Variants in PCDHGC3 observed in about 807,000 individuals in gnomAD.
PCDHGC3 encodes the protein protocadherin gamma-C3.
A neutral mutation model predicts 59.2 loss-of-function variants in PCDHGC3; 26 were observed. The observed-to-expected ratio is 0.44, with a 90% CI of 0.32 to 0.61. The LOEUF is 0.61. PCDHGC3 is among the 20% of genes least tolerant of loss of function. PCDHGC3 has a pLI of 0.05. For missense variants in PCDHGC3, 1,080 were observed against 1,221.8 expected, an observed-to-expected ratio of 0.88 and a Z score of 1.73; for synonymous variants, 487 against 519.7, an observed-to-expected ratio of 0.94 and a Z score of 0.86.
rs1229317913 is a variant in PCDHGC3 at position 141,489,752 on chromosome 5, C to T, written c.2431-5055C>T. ...GGCACCAATACTGTGAGCTTTTACACTCTAAGCCCCAACAGCCACTTCTCT... is the reference window on the plus strand; with the variant it reads ...GGCACCAATACTGTGAGCTTTTACATTCTAAGCCCCAACAGCCACTTCTCT... On this transcript the variant is annotated intron_variant, in intron 1 of 3. Transcript: ENST00000308177. The surrounding 1 kb of genome is among the most constrained non-coding windows in gnomAD (Gnocchi z 4.5). 1.2e-6 allele frequency: 2 copies of T among 1,614,018 alleles called. No individual in the cohort carries two copies. Among genetic ancestry groups the T allele is most frequent in the Non-Finnish European group, 1.7e-6 (2 of 1,179,980 alleles).
intron 1 of PCDHGC3, among the ~76,000 whole-genome samples, chr5:141,482,843 G>A (rs1005014887): frequency 7.1e-6 from 1 of 140,154 alleles, no homozygotes; most frequent in Non-Finnish European, 1.5e-5. Flanking sequence ...AGGCCAAGGT[G>A]GGCAGATCAC....
Position 141,489,213 on chromosome 5 carries a change from T to G in PCDHGC3, c.2431-5594T>G, listed in dbSNP as rs372898969. 11 of 1,473,392 alleles carry G rather than the reference T, an allele frequency of 7.5e-6. No homozygotes were observed. The highest frequency in any genetic ancestry group is 6.4e-6 in the Non-Finnish European group (7 of 1,091,332). 91.3% of individuals were successfully genotyped at this position (1,473,392 alleles called of 1,614,324 possible). On this transcript the variant is annotated intron_variant, in intron 1 of 3. Coordinates refer to ENST00000308177, the MANE Select transcript of PCDHGC3 (RefSeq NM_002588.4). This position sits in a 1 kb window ranked among gnomAD's most constrained non-coding sequence, Gnocchi z 4.5. Reference sequence around the variant, plus strand: ...ACCTTGGAGACAGGACAGCACAGACTTACTCTCCACAAAGGGACTTCTGGG... The same window carrying G: ...ACCTTGGAGACAGGACAGCACAGACGTACTCTCCACAAAGGGACTTCTGGG...
rs1040753474 is a variant in PCDHGC3 at position 141,511,446 on chromosome 5, G to T, written c.*273G>T. 3.1e-6 allele frequency: 2 copies of T among 654,526 alleles called. No individual in the cohort carries two copies. The highest frequency in any genetic ancestry group is 3.7e-5 in the African/African-American group (2 of 54,758). 40.5% of individuals were successfully genotyped at this position (654,526 alleles called of 1,614,324 possible). A position where few individuals can be genotyped will look rare whatever the true frequency, so the allele number is the denominator to read the frequency against. ...GTAGTGGGGTTACTGTAGACACCAA[G>T]AACCATTTGCCACACCCCGTTTAGT... On this transcript the variant is annotated 3_prime_UTR_variant, in exon 4 of 4. Transcript: ENST00000308177.
At chr5:141,506,172 TG>T (rs2099850913) in intron 3 of PCDHGC3, among the ~76,000 whole-genome samples, 1 of 152,128 alleles carries the variant, frequency 6.6e-6, no homozygotes, top group South Asian at 2.1e-4. Flanking sequence ...CAGCCTAAGC[TG>T]GGCGTGGTGG....
In PCDHGC3 at chr5:141,489,098, T is replaced by C; in HGVS notation, c.2431-5709T>C. 1 of 293,346 alleles carries C rather than the reference T, an allele frequency of 3.4e-6. No homozygotes were observed. The highest frequency in any genetic ancestry group is 5.5e-5 in the South Asian group (1 of 18,124). The allele number at this position is 293,346 out of a possible 1,614,324, so 18.2% of individuals were successfully genotyped here. A position where few individuals can be genotyped will look rare whatever the true frequency, so the allele number is the denominator to read the frequency against. ...CCCCCGCCACTCGGTGACTAAGAAC[T>C]GCTGCAAGCAGGCAAACCTCCGAGC... On this transcript the variant is annotated intron_variant, in intron 1 of 3. Transcript: ENST00000308177. The surrounding 1 kb of genome is among the most constrained non-coding windows in gnomAD (Gnocchi z 4.5).
In PCDHGC3 at chr5:141,476,737, G is replaced by A. The variant is rs1420138912; in HGVS notation, c.621G>A (p.Glu207=). ...VLERALDRER[E]PSLQLVLTAL... ...AGCGCGCCCTGGACCGAGAACGGGA[G>A]CCTAGTCTCCAGTTAGTGCTGACGG... is the stretch of plus-strand genomic sequence containing the variant. Residue 207 remains glutamate, a synonymous_variant, in exon 1 of 4, where the codon GAG becomes GAA. Coordinates refer to ENST00000308177, the MANE Select transcript of PCDHGC3 (RefSeq NM_002588.4). This position sits in a 1 kb window ranked among gnomAD's most constrained non-coding sequence, Gnocchi z 7.6. The A allele has an allele frequency of 3.1e-6, 5 of 1,613,982 alleles. No individual in the cohort carries two copies. Among genetic ancestry groups the A allele is most frequent in the Non-Finnish European group, 4.2e-6 (5 of 1,180,038 alleles).
chr5:141,492,787 G>A (rs1308203463), intron 1 of PCDHGC3, among the ~76,000 whole-genome samples: 2 of 152,254 alleles, frequency 1.3e-5, no homozygotes, highest in Admixed American at 6.5e-5. Context: ...AGCCTCTATA[G>A]GACAGCAGGA....
At chr5:141,492,527 G>A (rs1000672383) in intron 1 of PCDHGC3, among the ~76,000 whole-genome samples, 1 of 152,184 alleles carries the variant, frequency 6.6e-6, no homozygotes, top group African/African-American at 2.4e-5. Flanking sequence ...TCTCCCACCT[G>A]CGCCCCGGGC....
chr5:141,486,405 G>A lies in PCDHGC3; in HGVS notation c.2430+7859G>A. 6.2e-7 allele frequency: 1 copy of A among 1,614,114 alleles called. No homozygotes were observed. The highest frequency in any genetic ancestry group is 2.2e-5 in the East Asian group (1 of 44,862). On this transcript the variant is annotated intron_variant, in intron 1 of 3. Transcript: ENST00000308177. The surrounding 1 kb of genome is among the most constrained non-coding windows in gnomAD (Gnocchi z 5.0). ...AACCAGTTCTCCCTGGTGACTGCTG[G>A]ACCCTTGGATCGAGAGGCCAAATCT...
rs192747939 is a variant in PCDHGC3 at position 141,487,483 on chromosome 5, T to A, written c.2431-7324T>A. ...TTGTTGATGTGGGAGGCCACTCTCA[T>A]GGCTGTACACCCTTGGCTTCTGCAC... On this transcript the variant is annotated intron_variant, in intron 1 of 3. Transcript: ENST00000308177. This position sits in a 1 kb window ranked among gnomAD's most constrained non-coding sequence, Gnocchi z 5.0. 1 of 1,614,224 alleles carries A rather than the reference T, an allele frequency of 6.2e-7. No individual in the cohort carries two copies. The highest frequency in any genetic ancestry group is 1.1e-5 in the South Asian group (1 of 91,084).
At chr5:141,510,754 C>G (rs1407911674) in intron 3 of PCDHGC3, among the ~76,000 whole-genome samples, 193 bp from the exon 4 acceptor site, 3 of 152,168 alleles carry the variant, frequency 2.0e-5, no homozygotes, top group African/African-American at 7.2e-5. Flanking sequence ...GACTTTCTCA[C>G]TCCAGAGCCT....
chr5:141,507,263 T>C (rs755395344), intron 3 of PCDHGC3: 1 of 152,038 alleles, frequency 6.6e-6, no homozygotes, highest in Non-Finnish European at 1.5e-5. Flanking sequence ...AAACAGCAAG[T>C]ACTATTTCAG....
Position 141,478,499 on chromosome 5 carries a change from G to A in PCDHGC3, c.2383G>A (p.Val795Met), listed in dbSNP as rs77463374. The change falls in exon 1 of 4, where the codon GTG (valine) becomes ATG (methionine). Residue 795 changes from valine to methionine, a missense_variant. Transcript: ENST00000308177. ...GAACACGCTGCGGAGCTGTGATCCGGTGTTCTATAGGCAGGTGTTGGGTGC... is the reference window on the plus strand; with the variant it reads ...GAACACGCTGCGGAGCTGTGATCCGATGTTCTATAGGCAGGTGTTGGGTGC... ...RQNTLRSCDP[V>M]FYRQVLGAES... 1.1e-5 allele frequency: 18 copies of A among 1,612,728 alleles called. No individual in the cohort carries two copies. Among genetic ancestry groups the A allele is most frequent in the African/African-American group, 2.7e-5 (2 of 75,064 alleles).
intron 3 of PCDHGC3, among the ~76,000 whole-genome samples, chr5:141,509,781 T>TCATC (rs1198131164): frequency 6.6e-6 from 1 of 152,116 alleles, no homozygotes; most frequent in Non-Finnish European, 1.5e-5. Flanking sequence ...GTCCCCGAGA[T>TCATC]CATCATCTCC....
chr5:141,509,787 TCTC>T (rs2099878266), intron 3 of PCDHGC3, among the ~76,000 whole-genome samples: 1 of 152,132 alleles, frequency 6.6e-6, no homozygotes, highest in Non-Finnish European at 1.5e-5. Context: ...GAGATCATCA[TCTC>T]CTCAGCTTCA....
chr5:141,484,864 A>G, intron 1 of PCDHGC3: 1 of 263,722 alleles, frequency 3.8e-6, no homozygotes, highest in Non-Finnish European at 7.2e-6. Context: ...GGGGTGGGGG[A>G]GCGTGGAGGA....
rs1441582051 is a variant in PCDHGC3, at chr5:141,487,416, G to A, written c.2431-7391G>A. 1 of 1,614,088 alleles carries A rather than the reference G, an allele frequency of 6.2e-7. No individual in the cohort carries two copies. Among genetic ancestry groups the A allele is most frequent in the Admixed American group, 1.7e-5 (1 of 60,024 alleles). On this transcript the variant is annotated intron_variant, in intron 1 of 3. Coordinates refer to ENST00000308177, the MANE Select transcript of PCDHGC3 (RefSeq NM_002588.4). The surrounding 1 kb of genome is among the most constrained non-coding windows in gnomAD (Gnocchi z 5.0). ...AGGGAGGGGCTTCCCCCTTCCAATGGGATCCTCCGAATCCAGCTAGGGTCA... is the reference window on the plus strand; with the variant it reads ...AGGGAGGGGCTTCCCCCTTCCAATGAGATCCTCCGAATCCAGCTAGGGTCA...
chr5:141,484,924 T>C (rs1453592037), intron 1 of PCDHGC3: 7 of 484,872 alleles, frequency 1.4e-5, no homozygotes, highest in Non-Finnish European at 2.2e-5. Context: ...ACCCTGCTGC[T>C]GTTGGGACGT....
At chr5:141,498,248 G>A (rs1484987588) in intron 2 of PCDHGC3, among the ~76,000 whole-genome samples, 2 of 152,208 alleles carry the variant, frequency 1.3e-5, no homozygotes, top group Non-Finnish European at 2.9e-5. Flanking sequence ...CTTCAAAGCA[G>A]GGCTGGTGTT....
Sources: gnomAD v4.1 joint callset for allele counts (sites outside exome capture counted in the v4.1 genomes callset) on GRCh38, gnomAD v4.1.1 for gene constraint, Gnocchi (gnomAD v3.1) non-coding constraint, MANE v1.5 for transcripts, NCBI Gene and HGNC (gene_info 2026-07-23, HGNC 2026-07-21) for gene names.